CLEC16A: variants seen among roughly 807,000 people sequenced by gnomAD.
CLEC16A encodes the protein protein CLEC16A.
A neutral mutation model predicts 109.5 loss-of-function variants in CLEC16A; 51 were observed. The observed-to-expected ratio is 0.47, with a 90% confidence interval of 0.37 to 0.59. CLEC16A has a LOEUF of 0.59. Ranked by LOEUF, CLEC16A falls within the 20% of genes least tolerant of loss-of-function variation. The pLI is 0.00. For missense variants in CLEC16A, 1,339 were observed against 1,394.0 expected, an observed-to-expected ratio of 0.96 and a Z score of 0.63; for synonymous variants, 673 against 564.2, an observed-to-expected ratio of 1.19 and a Z score of -2.73.
At chr16:11,041,133 G>T (rs1194283441) in intron 14 of CLEC16A, 1 of 152,232 alleles carries the variant, frequency 6.6e-6, no homozygotes, top group Non-Finnish European at 1.5e-5. Context: ...GGCTTTCTGA[G>T]CACCTGCAGT....
intron 10 of CLEC16A, among the ~76,000 whole-genome samples, chr16:10,989,914 G>A (rs1000898686): frequency 5.3e-5 from 8 of 152,170 alleles, no homozygotes; most frequent in African/African-American, 9.7e-5. Flanking sequence ...GATGTCAGCC[G>A]AGTCTCCCGT....
intron 7 of CLEC16A, among the ~76,000 whole-genome samples, chr16:10,974,049 C>G (rs1319845414): frequency 3.3e-5 from 5 of 151,700 alleles, no homozygotes; most frequent in Non-Finnish European, 7.4e-5. Context: ...CAGGCATGCA[C>G]CACCACGCCT....
intron 22 of CLEC16A, among the ~76,000 whole-genome samples, chr16:11,165,451 C>T (rs1193346623): frequency 1.3e-5 from 2 of 152,122 alleles, no homozygotes; most frequent in South Asian, 2.1e-4. Flanking sequence ...GAGATCACAC[C>T]GCTGCACTCC....
intron 12 of CLEC16A, among the ~76,000 whole-genome samples, chr16:11,021,161 A>T (rs1016651029): frequency 5.9e-5 from 9 of 152,184 alleles, no homozygotes; most frequent in African/African-American, 2.2e-4. Context: ...ATCCAACTTC[A>T]AGTGAAGATG....
chr16:10,991,695 C>G (rs1241559002), intron 10 of CLEC16A, among the ~76,000 whole-genome samples: 1 of 152,202 alleles, frequency 6.6e-6, no homozygotes, highest in Non-Finnish European at 1.5e-5. Context: ...CTTGATGTGA[C>G]AAGTCTCGGT....
rs141653323 is a variant in CLEC16A at position 11,038,056 on chromosome 16, G to A, written c.1538-1698G>A. ...TTGTGGGGCGTTTTGGGGCATGAGAGAGACTACTACCCTACTCAAGTCTTT... is the reference window on the plus strand; with the variant it reads ...TTGTGGGGCGTTTTGGGGCATGAGAAAGACTACTACCCTACTCAAGTCTTT... On this transcript the variant is annotated intron_variant, in intron 13 of 23. Transcript: ENST00000409790. Among the ~76,000 whole-genome samples the A allele has an allele frequency of 3.4e-4, 52 of 152,254 alleles. No homozygotes were observed. The East Asian group carries it at 9.6e-3, about 28-fold the overall frequency.
rs561672466 is a variant in CLEC16A at position 11,001,789 on chromosome 16, G to C, written c.1072-1285G>C. Among the ~76,000 whole-genome samples, 12 of 152,216 alleles carry C rather than the reference G, an allele frequency of 7.9e-5. No homozygotes were observed. In the South Asian group the frequency reaches 2.5e-3, roughly 32 times the overall value. On this transcript the variant is annotated intron_variant, in intron 10 of 23. Transcript: ENST00000409790. The stretch of plus-strand genomic sequence containing the variant: ...CGCAAAGTGCTGGGATTAGAGAGGT[G>C]AGCCACCACACCCGGCCATCTCTGA...
intron 22 of CLEC16A, among the ~76,000 whole-genome samples, chr16:11,160,827 T>C (rs1176246836): frequency 2.0e-5 from 3 of 152,232 alleles, no homozygotes; most frequent in Admixed American, 1.3e-4. Context: ...AATGTGTGAT[T>C]CATCCTCATA....
Position 11,126,163 on chromosome 16 carries a change from C to T in CLEC16A, c.2641+17C>T. ...AGGTGCCAGGTGAGCCAGCCCCCCG[C>T]CCTGCGCCACAGCTCGTTCATCATG... On this transcript the variant is annotated intron_variant, in intron 22 of 23. Coordinates refer to ENST00000409790, the MANE Select transcript of CLEC16A (RefSeq NM_015226.3). 1 of 1,613,688 alleles carries T rather than the reference C, an allele frequency of 6.2e-7. No homozygotes were observed. The highest frequency in any genetic ancestry group is 1.1e-5 in the South Asian group (1 of 91,074).
intron 17 of CLEC16A, among the ~76,000 whole-genome samples, chr16:11,049,474 G>GTTTT (rs968866730): frequency 1.6e-5 from 2 of 124,438 alleles, no homozygotes; most frequent in African/African-American, 6.7e-5. Context: ...AGCTTCCCAG[G>GTTTT]TTTTTTTGTT....
intron 10 of CLEC16A, among the ~76,000 whole-genome samples, chr16:11,002,287 T>C (rs997375660): frequency 6.6e-6 from 1 of 152,176 alleles, no homozygotes; most frequent in Non-Finnish European, 1.5e-5. Flanking sequence ...ACCACAGAAG[T>C]GTTCATCAGA....
chr16:11,036,687 C>G (rs530251565), intron 13 of CLEC16A, among the ~76,000 whole-genome samples: 3 of 151,932 alleles, frequency 2.0e-5, no homozygotes, highest in African/African-American at 4.8e-5. Context: ...GTAGCTGGTA[C>G]TACAGGCATG....
intron 21 of CLEC16A, among the ~76,000 whole-genome samples, chr16:11,124,510 T>C (rs1898102496): frequency 6.6e-6 from 1 of 152,176 alleles, no homozygotes; most frequent in African/African-American, 2.4e-5. Context: ...TTCACGGGGA[T>C]TGCGGTGAAT....
intron 23 of CLEC16A, among the ~76,000 whole-genome samples, chr16:11,167,443 T>C (rs2140951661): frequency 6.6e-6 from 1 of 152,246 alleles, no homozygotes; most frequent in South Asian, 2.1e-4. Context: ...CCACCTCTCA[T>C]TGAGTTCTGG....
intron 13 of CLEC16A, among the ~76,000 whole-genome samples, chr16:11,036,992 A>G (rs1400876743): frequency 1.3e-5 from 2 of 152,252 alleles, no homozygotes; most frequent in African/African-American, 2.4e-5. Context: ...TTGGCCTGTG[A>G]CAGTGCTTTT....
chr16:11,035,530 C>T (rs1265106757), intron 13 of CLEC16A, among the ~76,000 whole-genome samples: 2 of 152,158 alleles, frequency 1.3e-5, no homozygotes, highest in Non-Finnish European at 2.9e-5. Context: ...AGCCACATGG[C>T]TGCATTCAGG....
rs140040354 is a variant in CLEC16A at position 11,144,410 on chromosome 16, A to G, written c.2641+18264A>G. Among the ~76,000 whole-genome samples the G allele has an allele frequency of 1.2e-3, 187 of 152,046 alleles. 2 individuals are homozygous for G. Among genetic ancestry groups the G allele is most frequent in the African/African-American group, 4.3e-3 (177 of 41,454 alleles). ...TCATTCTCCGTCCTGTACCTCCACA[A>G]CTTCTGTGGGACAGCCAACTAGATG... On this transcript the variant is annotated intron_variant, in intron 22 of 23. Transcript: ENST00000409790.
chr16:11,081,684 C>G (rs1269984866), intron 19 of CLEC16A, among the ~76,000 whole-genome samples: 2 of 152,136 alleles, frequency 1.3e-5, no homozygotes, highest in Non-Finnish European at 2.9e-5. Flanking sequence ...GGGGTTCTCT[C>G]CAGCCAATTT....
In CLEC16A at chr16:10,954,399, C is replaced by T. The variant is rs895441236; in HGVS notation, c.81-3383C>T. Among the ~76,000 whole-genome samples the T allele has an allele frequency of 2.5e-4, 38 of 152,136 alleles. No homozygotes were observed. The highest frequency in any genetic ancestry group is 3.4e-4 in the Non-Finnish European group (23 of 68,022). On this transcript the variant is annotated intron_variant, in intron 1 of 23. Coordinates refer to ENST00000409790, the MANE Select transcript of CLEC16A (RefSeq NM_015226.3). This position sits in a 1 kb window ranked among gnomAD's most constrained non-coding sequence, Gnocchi z 4.2. ...CCCTGCCCTCTCTGCCTATAAGGGC[C>T]TTCTGGTAGTTACTAGGTCTTTTTC...
Sources: gnomAD v4.1 joint callset for allele counts (sites outside exome capture counted in the v4.1 genomes callset) on GRCh38, gnomAD v4.1.1 for gene constraint, Gnocchi (gnomAD v3.1) non-coding constraint, MANE v1.5 for transcripts, NCBI Gene and HGNC (gene_info 2026-07-23, HGNC 2026-07-21) for gene names.